MLLT10: variants seen among roughly 807,000 people sequenced by gnomAD.
The protein encoded by MLLT10 is protein AF-10.
A neutral mutation model predicts 129.1 loss-of-function variants in MLLT10; 30 were observed. That is an observed-to-expected ratio of 0.23 (90% CI 0.17 to 0.32). The LOEUF (loss-of-function observed/expected upper bound fraction) is 0.32, where lower values mean the gene tolerates loss of function less well. Ranked by LOEUF, MLLT10 falls within the 10% of genes least tolerant of loss-of-function variation. The probability of loss-of-function intolerance (pLI) is 1.00; values close to 1 mark genes in which losing one functional copy is unlikely to be tolerated. For synonymous variants in MLLT10, 490 were observed against 446.4 expected (o/e 1.10, Z -1.23); for missense variants, 1,119 against 1,268.3 (o/e 0.88, Z 1.79).
intron 9 of MLLT10, among the ~76,000 whole-genome samples, chr10:21,664,416 C>T (rs577721348): frequency 3.1e-4 from 46 of 150,690 alleles, no homozygotes; most frequent in African/African-American, 1.0e-3. Context: ...CAGGTTCAAG[C>T]GATTCTCCTG....
intron 11 of MLLT10, among the ~76,000 whole-genome samples, chr10:21,679,626 A>AG (rs2052539884): frequency 6.6e-6 from 1 of 152,202 alleles, no homozygotes; most frequent in African/African-American, 2.4e-5. Context: ...TCAAATTGCA[A>AG]GGGGTTGATG....
At chr10:21,669,180 A>G (rs1589543728) in intron 9 of MLLT10, 3 of 861,860 alleles carry the variant, frequency 3.5e-6, no homozygotes, top group Admixed American at 4.5e-5. Context: ...ATAGTGGAGT[A>G]CTTTGTTTTT....
At position 21,594,678 on chromosome 10, in the gene MLLT10, T is replaced by C. The variant is rs570617084; in HGVS notation, c.296-653T>C. Among the ~76,000 whole-genome samples, 43 of 151,754 alleles carry C rather than the reference T, an allele frequency of 2.8e-4. 1 individual carries two copies. The highest frequency in any genetic ancestry group is 9.4e-4 in the African/African-American group (39 of 41,328). The stretch of plus-strand genomic sequence containing the variant: ...TAGGACTTTCATTCTTTTCCGGTTT[T>C]AGCCCAGAAACTCCTCACTATCATA... On this transcript the variant is annotated intron_variant, in intron 4 of 22. Coordinates refer to ENST00000307729, the MANE Select transcript of MLLT10 (RefSeq NM_001195626.3).
chr10:21,659,667 C>T (rs529002663), intron 9 of MLLT10, among the ~76,000 whole-genome samples: 6 of 152,032 alleles, frequency 3.9e-5, no homozygotes, highest in African/African-American at 1.2e-4. Context: ...CCCACCACCA[C>T]GCCTGGCTGA....
rs1475421262 is a variant in MLLT10 at position 21,733,840 on chromosome 10, C to G, written c.2569C>G (p.Pro857Ala). The G allele has an allele frequency of 1.1e-5, 18 of 1,614,144 alleles. No individual in the cohort carries two copies. The highest frequency in any genetic ancestry group is 1.5e-5 in the Non-Finnish European group (18 of 1,180,014). Residue 857 changes from proline to alanine, a missense_variant, in exon 20 of 23, where the codon CCG becomes GCG. By Grantham distance (27) the Pro-to-Ala change is conservative. This residue lies in a region of MLLT10 where 1,004 missense variants were observed against 1,008.7 expected (regional missense o/e 1.00). Transcript: ENST00000307729. ...LSTPPPAGQS[P>A]AQQGSGVSGV... Reference sequence around the variant, plus strand: ...TACCCCACCTCCTGCTGGGCAGAGTCCGGCTCAACAAGGCTCAGGAGTGAG... The same window carrying G: ...TACCCCACCTCCTGCTGGGCAGAGTGCGGCTCAACAAGGCTCAGGAGTGAG...
chr10:21,617,421 C>G (rs1014400800), intron 8 of MLLT10, among the ~76,000 whole-genome samples: 1 of 152,108 alleles, frequency 6.6e-6, no homozygotes, highest in Non-Finnish European at 1.5e-5. Context: ...TAGATTACAA[C>G]TTTACTGAAA....
At chr10:21,558,155 T>G (rs1373059296) in intron 3 of MLLT10, among the ~76,000 whole-genome samples, 1 of 151,988 alleles carries the variant, frequency 6.6e-6, no homozygotes, top group Non-Finnish European at 1.5e-5. Context: ...TTTGCCATGT[T>G]GGCCAGGCTC....
intron 14 of MLLT10, among the ~76,000 whole-genome samples, chr10:21,721,490 T>G (rs139427761): frequency 6.6e-6 from 1 of 152,252 alleles, no homozygotes; most frequent in African/African-American, 2.4e-5. Context: ...ATGAGCCAAG[T>G]TCCTAGGAAT....
At chr10:21,700,641 T>G (rs984656714) in intron 13 of MLLT10, among the ~76,000 whole-genome samples, 1 of 152,156 alleles carries the variant, frequency 6.6e-6, no homozygotes, top group Non-Finnish European at 1.5e-5. Flanking sequence ...CTTTATTCTA[T>G]TGATGTGATA....
intron 9 of MLLT10, among the ~76,000 whole-genome samples, chr10:21,660,592 G>A (rs1226178556): frequency 1.0e-4 from 15 of 143,402 alleles, no homozygotes. Flanking sequence ...CTCCAGCGCG[G>A]GTGACAGAGC....
intron 8 of MLLT10, among the ~76,000 whole-genome samples, chr10:21,620,381 T>G (rs1453351982): frequency 2.6e-5 from 4 of 152,226 alleles, no homozygotes; most frequent in East Asian, 1.9e-4. Context: ...GAATTACGAT[T>G]TTTAGACTGT....
chr10:21,653,177 T>C (rs558524708), intron 9 of MLLT10, among the ~76,000 whole-genome samples: 1 of 152,350 alleles, frequency 6.6e-6, no homozygotes, highest in Admixed American at 6.5e-5. Context: ...CTCAGCTGTT[T>C]CCTCTAATTA....
intron 6 of MLLT10, among the ~76,000 whole-genome samples, chr10:21,614,318 T>C (rs1244986423): frequency 6.6e-6 from 1 of 151,926 alleles, no homozygotes; most frequent in Non-Finnish European, 1.5e-5. Context: ...TATGTTTATC[T>C]CGCTTATTGT....
chr10:21,568,455 T>G (rs2131025524), intron 3 of MLLT10, among the ~76,000 whole-genome samples: 1 of 152,330 alleles, frequency 6.6e-6, no homozygotes, highest in South Asian at 2.1e-4. Flanking sequence ...TGACTTCTGC[T>G]CTGATCTTTC....
At chr10:21,613,161 T>C (rs1589232186) in intron 6 of MLLT10, among the ~76,000 whole-genome samples, 1 of 115,336 alleles carries the variant, frequency 8.7e-6, no homozygotes, top group Admixed American at 1.3e-4. Context: ...GCCATTGAAC[T>C]CCAGCCTGGC....
At chr10:21,580,710 C>CT (rs1159064130) in intron 3 of MLLT10, among the ~76,000 whole-genome samples, 26 of 148,970 alleles carry the variant, frequency 1.7e-4, no homozygotes, top group Middle Eastern at 3.6e-3. Flanking sequence ...ATTTTCTTTT[C>CT]TTTTTTTTTG....
chr10:21,695,517 GT>G (rs1564663680), intron 13 of MLLT10, among the ~76,000 whole-genome samples: 2 of 152,086 alleles, frequency 1.3e-5, no homozygotes, highest in Admixed American at 6.6e-5. Context: ...TATATAGAGT[GT>G]TCTTTTCTCA....
At chr10:21,556,718 G>T (rs1564403884) in intron 3 of MLLT10, 1 of 1,612,384 alleles carries the variant, frequency 6.2e-7, no homozygotes, top group East Asian at 2.2e-5. Context: ...CTGCGCATGT[G>T]CATCTCCCCA....
At chr10:21,740,508 CAA>C (rs1220354945) in intron 22 of MLLT10, among the ~76,000 whole-genome samples, 1 of 152,160 alleles carries the variant, frequency 6.6e-6, no homozygotes, top group East Asian at 1.9e-4. Flanking sequence ...ACAATCAAAT[CAA>C]AAGACAATAG....
Sources: gnomAD v4.1 joint callset for allele counts (sites outside exome capture counted in the v4.1 genomes callset) on GRCh38, gnomAD v4.1.1 for gene constraint, gnomAD v4.1.1 regional missense constraint, MANE v1.5 for transcripts, NCBI Gene and HGNC (gene_info 2026-07-23, HGNC 2026-07-21) for gene names.